The following DSP variants were observed in gnomAD, a reference collection of about 807,000 sequenced individuals.
The protein encoded by DSP is desmoplakin, also known as 250/210 kDa paraneoplastic pemphigus antigen.
In DSP, 114 loss-of-function variants were observed where a neutral mutation model predicts 290.6. The observed-to-expected ratio is 0.39, with a 90% CI of 0.34 to 0.46. DSP has a LOEUF of 0.46. Ranked by LOEUF, DSP falls within the 20% of genes least tolerant of loss-of-function variation. DSP has a pLI of 0.99. For missense variants in DSP, 3,230 were observed against 3,495.8 expected, an observed-to-expected ratio of 0.92 and a Z score of 1.92; for synonymous variants, 1,311 against 1,316.4, an observed-to-expected ratio of 1.00 and a Z score of 0.09.
chr6:7,542,131 G>A, intron 1 of DSP, 46 bp downstream of exon 1: 1 of 1,548,424 alleles, frequency 6.5e-7, no homozygotes, highest in Non-Finnish European at 8.7e-7. Context: ...TCGCGGGACA[G>A]GGAGGGACCG....
chr6:7,584,975 C>T lies in DSP; in HGVS notation c.7713C>T (p.Ser2571=). 1 of 1,614,190 alleles carries T rather than the reference C, an allele frequency of 6.2e-7. No homozygotes were observed. Among genetic ancestry groups the T allele is most frequent in the Non-Finnish European group, 8.5e-7 (1 of 1,180,038 alleles). Residue 2571 remains serine (S), a synonymous_variant, in exon 24 of 24, where the codon AGC becomes AGT. Coordinates refer to ENST00000379802, the MANE Select transcript of DSP (RefSeq NM_004415.4). This position sits in a 1 kb window ranked among gnomAD's most constrained non-coding sequence, Gnocchi z 6.4. The part of the protein sequence containing the change: ...ISLKNGVGTS[S]SMGSGVSDDV... The stretch of plus-strand genomic sequence containing the variant: ...TGAAAAATGGTGTCGGCACCAGCAG[C>T]AGCATGGGCAGTGGTGTCAGCGATG...
intron 1 of DSP, 117 bp downstream of exon 1, chr6:7,542,202 G>T (rs1758010645): frequency 7.1e-7 from 1 of 1,407,888 alleles, no homozygotes; most frequent in African/African-American, 1.4e-5. Context: ...TTTGCCCCAG[G>T]TCCCGAAAGA....
Position 7,583,329 on chromosome 6 carries a change from G to A in DSP, c.6067G>A (p.Ala2023Thr). The A allele has an allele frequency of 6.2e-7, 1 of 1,614,204 alleles. No homozygotes were observed. Among genetic ancestry groups the A allele is most frequent in the Non-Finnish European group, 8.5e-7 (1 of 1,180,048 alleles). The change falls in exon 24 of 24, where the codon GCT (alanine) becomes ACT (threonine). Residue 2023 changes from alanine (A) to threonine (T), a missense_variant. Ala to Thr is a moderately conservative substitution (Grantham distance 58). Transcript: ENST00000379802. This position sits in a 1 kb window ranked among gnomAD's most constrained non-coding sequence, Gnocchi z 4.0. ...RGAGSIAGAS[A>T]SPKEKYSLVE... ...TGCAGGATCTATCGCTGGAGCATCT[G>A]CTTCTCCTAAGGAAAAATACTCTTT...
chr6:7,545,656 C>T (rs1015097361), intron 1 of DSP, among the ~76,000 whole-genome samples: 4 of 152,094 alleles, frequency 2.6e-5, no homozygotes, highest in South Asian at 2.1e-4. Flanking sequence ...GATAAGTACA[C>T]GAAGACTAGC....
chr6:7,550,917 C>T (rs115273300), intron 1 of DSP, among the ~76,000 whole-genome samples: 2 of 151,824 alleles, frequency 1.3e-5, no homozygotes, highest in South Asian at 4.1e-4. Flanking sequence ...AATCTTTCAA[C>T]CCCTAACACC....
chr6:7,544,302 G>A (rs903332131), intron 1 of DSP, among the ~76,000 whole-genome samples: 1 of 152,178 alleles, frequency 6.6e-6, no homozygotes, highest in Non-Finnish European at 1.5e-5. Flanking sequence ...AGTTTTTCTG[G>A]TGGCATTCTG....
intron 4 of DSP, among the ~76,000 whole-genome samples, chr6:7,560,925 T>TA (rs1186153413): frequency 6.6e-6 from 1 of 152,004 alleles, no homozygotes; most frequent in Non-Finnish European, 1.5e-5. Flanking sequence ...GGAAAAGTAT[T>TA]ACCACATGAA....
chr6:7,578,005 T>C, intron 21 of DSP, 119 bp downstream of exon 21: 1 of 810,082 alleles, frequency 1.2e-6, no homozygotes, highest in Non-Finnish European at 2.1e-6. Context: ...CCATTGCTGA[T>C]TTCATCCCAT....
chr6:7,553,140 T>A (rs1758392617), intron 1 of DSP, among the ~76,000 whole-genome samples: 1 of 152,190 alleles, frequency 6.6e-6, no homozygotes, highest in South Asian at 2.1e-4. Context: ...TCCATCATTT[T>A]ATTTTTTTTT....
chr6:7,584,606 AAAG>A lies in DSP; in HGVS notation c.7350_7352del (p.Lys2451del), dbSNP rs766860183. The A allele has an allele frequency of 1.2e-6, 2 of 1,614,078 alleles. No individual in the cohort carries two copies. The highest frequency in any genetic ancestry group is 1.7e-6 in the Non-Finnish European group (2 of 1,179,958). ...GGCTCTGTCTTCTGCCTCTGAAAGAAAAGAAGAAACAGGTGCAGACATCACAAA... is the reference window on the plus strand; with the variant it reads ...GGCTCTGTCTTCTGCCTCTGAAAGAAAAGAAACAGGTGCAGACATCACAAA... On this transcript the variant is annotated inframe_deletion, in exon 24 of 24. Coordinates refer to ENST00000379802, the MANE Select transcript of DSP (RefSeq NM_004415.4). This position sits in a 1 kb window ranked among gnomAD's most constrained non-coding sequence, Gnocchi z 6.4.
At chr6:7,578,439 C>G (rs751397385) in intron 21 of DSP, 25 bp from the exon 22 acceptor site, 2 of 1,597,464 alleles carry the variant, frequency 1.3e-6, no homozygotes, top group South Asian at 2.2e-5. Flanking sequence ...ATATCTTTTT[C>G]TTTCTTTCCT....
Position 7,573,201 on chromosome 6 carries a change from A to G in DSP, c.2131-885A>G, listed in dbSNP as rs76733483. On this transcript the variant is annotated intron_variant, in intron 15 of 23. Coordinates refer to ENST00000379802, the MANE Select transcript of DSP (RefSeq NM_004415.4). Reference sequence around the variant, plus strand: ...ATCTTAAGGGACCACCATTGTGTATACAGTTCATCATTGACCAAAACATCA... The same window carrying G: ...ATCTTAAGGGACCACCATTGTGTATGCAGTTCATCATTGACCAAAACATCA... 8.9e-3 allele frequency among the ~76,000 whole-genome samples: 1,358 copies of G among 152,232 alleles called. 21 individuals carry two copies. The highest frequency in any genetic ancestry group is 0.03 in the African/African-American group (1,237 of 41,532).
intron 4 of DSP, among the ~76,000 whole-genome samples, 156 bp downstream of exon 4, chr6:7,559,556 G>C (rs1268148376): frequency 6.6e-6 from 1 of 152,234 alleles, no homozygotes; most frequent in Admixed American, 6.5e-5. Flanking sequence ...AATTTGAAAA[G>C]TGGTCTTCTA....
chr6:7,550,970 A>T (rs1038477812), intron 1 of DSP, among the ~76,000 whole-genome samples: 12 of 152,074 alleles, frequency 7.9e-5, no homozygotes, highest in Non-Finnish European at 1.6e-4. Flanking sequence ...GTAGGGATTT[A>T]AAAAAATGTG....
Position 7,541,708 on chromosome 6 carries a change from C to A in DSP, c.-208C>A. The A allele has an allele frequency of 1.6e-6, 1 of 612,026 alleles. No homozygotes were observed. The highest frequency in any genetic ancestry group is 2.7e-6 in the Non-Finnish European group (1 of 364,582). The allele number at this position is 612,026 out of a possible 1,614,324, so 37.9% of individuals were successfully genotyped here. ...TGCCGCCCTCCGAGCCACAGCTTTC[C>A]TCCCGCTCCTGCCCCCGGCCCGTCG... On this transcript the variant is annotated 5_prime_UTR_variant, in exon 1 of 24. Coordinates refer to ENST00000379802, the MANE Select transcript of DSP (RefSeq NM_004415.4).
At chr6:7,549,700 T>G (rs528814474) in intron 1 of DSP, among the ~76,000 whole-genome samples, 1 of 152,194 alleles carries the variant, frequency 6.6e-6, no homozygotes, top group South Asian at 2.1e-4. Flanking sequence ...GAGAGACATA[T>G]GAGTCTTTCT....
intron 1 of DSP, among the ~76,000 whole-genome samples, chr6:7,543,867 TA>T (rs990678085): frequency 2.0e-4 from 30 of 152,322 alleles, no homozygotes; most frequent in African/African-American, 6.7e-4. Context: ...ATTAAGTGGT[TA>T]ATGAACTGCA....
chr6:7,576,535 A>C, intron 19 of DSP, 79 bp downstream of exon 19: 21 of 1,554,822 alleles, frequency 1.4e-5, no homozygotes, highest in Non-Finnish European at 1.8e-5. Context: ...TTTTTGTATC[A>C]GTGCCTAGGT....
rs1759550384 is a variant in DSP at position 7,584,148 on chromosome 6, G to A, written c.6886G>A (p.Ala2296Thr). 6.2e-7 allele frequency: 1 copy of A among 1,614,210 alleles called. No homozygotes were observed. The highest frequency in any genetic ancestry group is 8.5e-7 in the Non-Finnish European group (1 of 1,180,026). ...TGCTCTGGAGTTGCTGGAAGCCCAA[G>A]CAGCTACTGGCTTTATAGTGGATCC... ...GTALELLEAQ[A>T]ATGFIVDPVS... The change falls in exon 24 of 24, where the codon GCA (alanine) becomes ACA (threonine). Residue 2296 changes from alanine to threonine, a missense_variant. Coordinates refer to ENST00000379802, the MANE Select transcript of DSP (RefSeq NM_004415.4). This position sits in a 1 kb window ranked among gnomAD's most constrained non-coding sequence, Gnocchi z 6.4.
Sources: gnomAD v4.1 joint callset for allele counts (sites outside exome capture counted in the v4.1 genomes callset) on GRCh38, gnomAD v4.1.1 for gene constraint, Gnocchi (gnomAD v3.1) non-coding constraint, MANE v1.5 for transcripts, NCBI Gene and HGNC (gene_info 2026-07-23, HGNC 2026-07-21) for gene names.